Variants in ELOA observed in about 807,000 individuals in gnomAD.
The protein encoded by ELOA is elongin-A.
A neutral mutation model predicts 85.2 loss-of-function variants in ELOA; 15 were observed. The observed-to-expected ratio is 0.18, with a 90% CI of 0.12 to 0.27. The LOEUF (loss-of-function observed/expected upper bound fraction) is 0.27. Ranked by LOEUF, ELOA falls within the 10% of genes least tolerant of loss-of-function variation. The pLI is 1.00. For synonymous variants in ELOA, 348 were observed against 357.2 expected, an observed-to-expected ratio of 0.97 and a Z score of 0.29; for missense variants, 769 against 952.7, an observed-to-expected ratio of 0.81 and a Z score of 2.54.
intron 5 of ELOA, among the ~76,000 whole-genome samples, chr1:23,753,418 T>G (rs1644781381): frequency 6.6e-6 from 1 of 152,240 alleles, no homozygotes; most frequent in African/African-American, 2.4e-5. Flanking sequence ...AATTGTTCAG[T>G]AAATTGCTGC....
At position 23,761,868 on chromosome 1, in the gene ELOA, G is replaced by T. The variant is rs1272858992; in HGVS notation, c.*2295G>T. ...CCTTGGTGTACTGAGCAGTTTCTTTGGGGCTTTTTCTTTCTGGGAAGCGGG... is the reference window on the plus strand; with the variant it reads ...CCTTGGTGTACTGAGCAGTTTCTTTTGGGCTTTTTCTTTCTGGGAAGCGGG... On this transcript the variant is annotated 3_prime_UTR_variant, in exon 11 of 11. Transcript: ENST00000613537. 1 of 152,008 alleles carries T rather than the reference G, an allele frequency of 6.6e-6. No individual in the cohort carries two copies. Among genetic ancestry groups the T allele is most frequent in the African/African-American group, 2.4e-5 (1 of 41,368 alleles). 9.4% of individuals were successfully genotyped at this position (152,008 alleles called of 1,614,324 possible). A position where few individuals can be genotyped will look rare whatever the true frequency, so the allele number is the denominator to read the frequency against.
intron 10 of ELOA, among the ~76,000 whole-genome samples, chr1:23,757,870 G>A (rs538200258): frequency 3.4e-4 from 51 of 150,940 alleles, no homozygotes; most frequent in African/African-American, 1.2e-3. Context: ...CATGGTCCCT[G>A]TCTCTATTAA....
chr1:23,743,494 A>G lies in ELOA; in HGVS notation c.-10A>G. On this transcript the variant is annotated 5_prime_UTR_variant, in exon 1 of 11. Coordinates refer to ENST00000613537, the MANE Select transcript of ELOA (RefSeq NM_003198.3). ...CCAGTTCCGGCGAGGAGGCCGCGCCAGTGACAGCGATGGCGGCGGAGTCGG... is the reference window on the plus strand; with the variant it reads ...CCAGTTCCGGCGAGGAGGCCGCGCCGGTGACAGCGATGGCGGCGGAGTCGG... 1 of 1,504,838 alleles carries G rather than the reference A, an allele frequency of 6.6e-7. No individual in the cohort carries two copies. Among genetic ancestry groups the G allele is most frequent in the East Asian group, 2.8e-5 (1 of 36,112 alleles). The allele number at this position is 1,504,838 out of a possible 1,614,324, so 93.2% of individuals were successfully genotyped here.
intron 1 of ELOA, among the ~76,000 whole-genome samples, chr1:23,746,373 C>G (rs1644747044): frequency 6.6e-6 from 1 of 150,378 alleles, no homozygotes; most frequent in Admixed American, 6.6e-5. Flanking sequence ...TTTGGGAGGC[C>G]AAGAGGGGCG....
chr1:23,757,654 A>G (rs994469322), intron 10 of ELOA, among the ~76,000 whole-genome samples: 1 of 152,040 alleles, frequency 6.6e-6, no homozygotes, highest in East Asian at 1.9e-4. Flanking sequence ...GCCCACCACC[A>G]TGCCCACCTA....
Position 23,748,179 on chromosome 1 carries a change from C to G in ELOA, c.76-842C>G, listed in dbSNP as rs76388042. On this transcript the variant is annotated intron_variant, in intron 1 of 10. Transcript: ENST00000613537. ...GTGAGCTTTCATAGTGTTCTAGACA[C>G]TATGACTAAGGACTGCACATGGTTT... Among the ~76,000 whole-genome samples the G allele has an allele frequency of 4.2e-3, 645 of 152,270 alleles. 6 individuals carry two copies. The highest frequency in any genetic ancestry group is 0.015 in the African/African-American group (621 of 41,550).
chr1:23,750,641 T>TG (rs1644765763), intron 3 of ELOA, among the ~76,000 whole-genome samples: 1 of 152,198 alleles, frequency 6.6e-6, no homozygotes, highest in Admixed American at 6.5e-5. Context: ...CTTTGCATCT[T>TG]GTGGTTAAAC....
At chr1:23,758,128 CCA>C (rs1457719861) in intron 10 of ELOA, among the ~76,000 whole-genome samples, 1 of 151,782 alleles carries the variant, frequency 6.6e-6, no homozygotes, top group Non-Finnish European at 1.5e-5. Flanking sequence ...CTAGGCAATA[CCA>C]CAGTGTTCAT....
rs1482271462 is a variant in ELOA, at chr1:23,758,272, T to A, written c.2257+1147T>A. Among the ~76,000 whole-genome samples the A allele has an allele frequency of 1.5e-3, 154 of 99,958 alleles. 3 individuals carry two copies. Among genetic ancestry groups the A allele is most frequent in the African/African-American group, 4.6e-3 (119 of 25,698 alleles). 65.6% of individuals were successfully genotyped at this position (99,958 alleles called of 152,430 possible). ...ATTTATTTATTTATTTTTTTTTTTT[T>A]TTTTTTTTTTTTTTTTTTGGAGACA... On this transcript the variant is annotated intron_variant, in intron 10 of 10. Coordinates refer to ENST00000613537, the MANE Select transcript of ELOA (RefSeq NM_003198.3).
intron 5 of ELOA, 106 bp downstream of exon 5, chr1:23,752,624 A>G (rs1412662981): frequency 4.2e-6 from 5 of 1,185,836 alleles, no homozygotes; most frequent in Non-Finnish European, 3.6e-6. Flanking sequence ...TGGGAGGCCG[A>G]GGTAAGAGGA....
chr1:23,752,555 A>C, intron 5 of ELOA, 37 bp downstream of exon 5: 1 of 1,581,790 alleles, frequency 6.3e-7, no homozygotes, highest in South Asian at 1.1e-5. Flanking sequence ...AATGGGAAAA[A>C]GATTTAAAAA....
chr1:23,752,761 G>T (rs928288976), intron 5 of ELOA, among the ~76,000 whole-genome samples: 4 of 152,062 alleles, frequency 2.6e-5, no homozygotes, highest in Non-Finnish European at 5.9e-5. Flanking sequence ...TGGCCAACAT[G>T]GTGAAACCCT....
intron 10 of ELOA, 55 bp from the exon 11 acceptor site, chr1:23,759,457 G>C: frequency 6.4e-7 from 1 of 1,569,306 alleles, no homozygotes; most frequent in Non-Finnish European, 8.8e-7. Flanking sequence ...AACTACTGGG[G>C]GTGTGTCTAA....
chr1:23,744,862 A>G (rs932670336), intron 1 of ELOA, among the ~76,000 whole-genome samples: 3 of 151,920 alleles, frequency 2.0e-5, no homozygotes, highest in Non-Finnish European at 4.4e-5. Flanking sequence ...CCTCTTCCTC[A>G]CCTGCTGCTT....
intron 10 of ELOA, among the ~76,000 whole-genome samples, chr1:23,759,178 TTTCC>T (rs1433441753): frequency 4.6e-5 from 7 of 152,244 alleles, no homozygotes; most frequent in African/African-American, 1.7e-4. Flanking sequence ...AGTGAGACTC[TTTCC>T]TTACAAAAAT....
intron 10 of ELOA, 24 bp downstream of exon 10, chr1:23,757,149 C>A: frequency 6.6e-7 from 1 of 1,517,234 alleles, no homozygotes; most frequent in South Asian, 1.3e-5. Context: ...AGTTCCTGCT[C>A]AAATATTATT....
Position 23,751,565 on chromosome 1 carries a change from T to A in ELOA, c.960T>A (p.Ala320=). Residue 320 remains alanine (A), a synonymous_variant, in exon 4 of 11, where the codon GCT becomes GCA. Coordinates refer to ENST00000613537, the MANE Select transcript of ELOA (RefSeq NM_003198.3). Reference sequence around the variant, plus strand: ...AGTGTTTGCCTCCCTCAGAGGCCGCTTCAGACAACCACCTGAAAAAGCCAA... The same window carrying A: ...AGTGTTTGCCTCCCTCAGAGGCCGCATCAGACAACCACCTGAAAAAGCCAA... ...KKKCLPPSEA[A]SDNHLKKPKH... is the part of the protein sequence containing the mutation. 1 of 1,614,130 alleles carries A rather than the reference T, an allele frequency of 6.2e-7. No individual in the cohort carries two copies. Among genetic ancestry groups the A allele is most frequent in the Non-Finnish European group, 8.5e-7 (1 of 1,180,036 alleles).
intron 1 of ELOA, among the ~76,000 whole-genome samples, chr1:23,748,321 A>C (rs1383117673): frequency 6.6e-6 from 1 of 152,282 alleles, no homozygotes; most frequent in East Asian, 1.9e-4. Context: ...ATCGAGTGAC[A>C]AAGCCAGATT....
chr1:23,757,269 C>T (rs541394098), intron 10 of ELOA, 144 bp downstream of exon 10: 4 of 861,482 alleles, frequency 4.6e-6, no homozygotes, highest in Non-Finnish European at 6.8e-6. Flanking sequence ...ATGTCAGTCC[C>T]TCCTTCCCCC....
Sources: allele counts gnomAD v4.1 joint callset (sites outside exome capture counted in the v4.1 genomes callset), GRCh38; gene constraint gnomAD v4.1.1; transcripts MANE v1.5; gene names NCBI Gene and HGNC (gene_info 2026-07-23, HGNC 2026-07-21).